Variants in USP53 observed in about 807,000 individuals in gnomAD.
USP53 encodes the protein ubiquitin specific peptidase 53.
In USP53, 71 loss-of-function variants were observed where a neutral mutation model predicts 94.9. The observed-to-expected ratio is 0.75, with a 90% CI of 0.62 to 0.91. The LOEUF is 0.91. Among genes scored for constraint, USP53 ranks in the 40% least tolerant of loss-of-function variants. The pLI, the probability that USP53 is intolerant of heterozygous loss-of-function variation, is 0.00. For missense variants in USP53, 1,173 were observed against 1,281.0 expected (o/e 0.92, Z 1.29); for synonymous variants, 375 against 422.7 (o/e 0.89, Z 1.39).
chr4:119,292,428 G>A lies in USP53; in HGVS notation c.2439G>A (p.Gln813=). 1 of 1,613,954 alleles carries A rather than the reference G, an allele frequency of 6.2e-7. No individual in the cohort carries two copies. The highest frequency in any genetic ancestry group is 8.5e-7 in the Non-Finnish European group (1 of 1,179,918). The change falls in exon 19 of 19, where the codon CAG becomes CAA. Residue 813 remains glutamine, a synonymous_variant. Transcript: ENST00000692078. ...ATAATGCAAGAGAACATATCCACCA[G>A]TCAGATGAACAGAAACTTGAAAAAC... ...KDHNAREHIH[Q]SDEQKLEKPN... is the part of the protein sequence containing the mutation.
chr4:119,262,606 G>T (rs1008121449), intron 12 of USP53, among the ~76,000 whole-genome samples: 1 of 152,100 alleles, frequency 6.6e-6, no homozygotes, highest in African/African-American at 2.4e-5. Context: ...CATCATAAAG[G>T]TCTTCATCCT....
rs1754864429 is a variant in USP53, at chr4:119,292,456, A to G, written c.2467A>G (p.Asn823Asp). The part of the protein sequence containing the change: ...QSDEQKLEKP[N>D]ECKFSEWLNI... The stretch of plus-strand genomic sequence containing the variant: ...AGATGAACAGAAACTTGAAAAACCG[A>G]ATGAATGCAAATTTTCTGAGTGGCT... Residue 823 changes from asparagine to aspartate, a missense_variant, in exon 19 of 19, where the codon AAT becomes GAT. Asn to Asp is a conservative substitution (Grantham distance 23, BLOSUM62 1). Transcript: ENST00000692078. The G allele has an allele frequency of 1.2e-6, 2 of 1,613,918 alleles. No homozygotes were observed. Among genetic ancestry groups the G allele is most frequent in the South Asian group, 2.2e-5 (2 of 91,072 alleles).
At chr4:119,227,254 A>G (rs1414631369) in intron 3 of USP53, among the ~76,000 whole-genome samples, 1 of 49,340 alleles carries the variant, frequency 2.0e-5, no homozygotes, top group Non-Finnish European at 4.0e-5. Context: ...CTTGTCTAAC[A>G]CTACACACAC....
chr4:119,225,226 A>T (rs940675183), intron 3 of USP53, among the ~76,000 whole-genome samples: 19 of 152,302 alleles, frequency 1.2e-4, no homozygotes, highest in African/African-American at 3.8e-4. Context: ...AAAGACACAA[A>T]CTATGAAAGC....
chr4:119,260,487 A>G lies in USP53; in HGVS notation c.676-20A>G. ...GTTTATCTGTTTTCATAATTTTAAAACTTTTATGTTTTTCTGTAGAGTAAC... is the reference window on the plus strand; with the variant it reads ...GTTTATCTGTTTTCATAATTTTAAAGCTTTTATGTTTTTCTGTAGAGTAAC... On this transcript the variant is annotated intron_variant, in intron 10 of 18. Transcript: ENST00000692078. 6.2e-7 allele frequency: 1 copy of G among 1,608,742 alleles called. No homozygotes were observed. Among genetic ancestry groups the G allele is most frequent in the Non-Finnish European group, 8.5e-7 (1 of 1,176,828 alleles).
intron 3 of USP53, chr4:119,219,435 C>G (rs1279382806): frequency 6.6e-6 from 1 of 152,208 alleles, no homozygotes; most frequent in Non-Finnish European, 1.5e-5. Flanking sequence ...TGACTGCTAC[C>G]AGTCACATTG....
At chr4:119,280,168 T>C (rs1246007359) in intron 17 of USP53, among the ~76,000 whole-genome samples, 1 of 152,190 alleles carries the variant, frequency 6.6e-6, no homozygotes, top group African/African-American at 2.4e-5. Context: ...ATATGTCTCT[T>C]ATTAAAGATA....
chr4:119,260,156 T>C (rs1750310064), intron 10 of USP53, among the ~76,000 whole-genome samples: 1 of 152,182 alleles, frequency 6.6e-6, no homozygotes, highest in South Asian at 2.1e-4. Flanking sequence ...AGTTCTGAAA[T>C]TTATCATTTG....
At chr4:119,278,235 G>A (rs1299979442) in intron 17 of USP53, among the ~76,000 whole-genome samples, 1 of 149,970 alleles carries the variant, frequency 6.7e-6, no homozygotes, top group Non-Finnish European at 1.5e-5. Context: ...GCAGCGGCTG[G>A]TACCGGTTGT....
intron 11 of USP53, among the ~76,000 whole-genome samples, chr4:119,261,254 C>A (rs1180982410): frequency 6.6e-6 from 1 of 152,132 alleles, no homozygotes; most frequent in East Asian, 1.9e-4. Flanking sequence ...AGCCACCACA[C>A]CCCGCCATGA....
At chr4:119,288,553 T>G (rs1754362919) in intron 17 of USP53, among the ~76,000 whole-genome samples, 1 of 152,190 alleles carries the variant, frequency 6.6e-6, no homozygotes, top group Admixed American at 6.5e-5. Flanking sequence ...CGTCCTCCAT[T>G]ACATTAAAAT....
chr4:119,242,397 A>G (rs1009067192), intron 5 of USP53, among the ~76,000 whole-genome samples: 5 of 152,160 alleles, frequency 3.3e-5, no homozygotes, highest in African/African-American at 9.7e-5. Flanking sequence ...TTTCTCTGCT[A>G]TTGAGACTCC....
At chr4:119,218,601 C>A (rs913933969) in intron 3 of USP53, 1 of 152,092 alleles carries the variant, frequency 6.6e-6, no homozygotes, top group African/African-American at 2.4e-5. Flanking sequence ...AAATTTTCTA[C>A]TGTAGTCTTC....
chr4:119,291,151 C>T lies in USP53; in HGVS notation c.2252-14C>T, dbSNP rs760114818. ...GTTTTCCTCATCTCTTCTCCCCACC[C>T]CACCCAACCCTAGGCTTTAGAAAAG... is the stretch of plus-strand genomic sequence containing the variant. On this transcript the variant is annotated splice_polypyrimidine_tract_variant and intron_variant, in intron 17 of 18. Transcript: ENST00000692078. 6 of 978,430 alleles carry T rather than the reference C, an allele frequency of 6.1e-6. No individual in the cohort carries two copies. Among genetic ancestry groups the T allele is most frequent in the Non-Finnish European group, 7.5e-6 (5 of 664,606 alleles). 60.6% of individuals were successfully genotyped at this position (978,430 alleles called of 1,614,324 possible). A position where few individuals can be genotyped will look rare whatever the true frequency, so the allele number is the denominator to read the frequency against.
chr4:119,281,962 C>A (rs1268264300), intron 17 of USP53, among the ~76,000 whole-genome samples: 1 of 152,112 alleles, frequency 6.6e-6, no homozygotes, highest in East Asian at 1.9e-4. Flanking sequence ...ACCCATTAAA[C>A]AGCTCCCCAT....
intron 12 of USP53, among the ~76,000 whole-genome samples, chr4:119,264,259 A>G (rs1750851041): frequency 6.6e-6 from 1 of 152,186 alleles, no homozygotes; most frequent in Non-Finnish European, 1.5e-5. Flanking sequence ...CAGACCAGAA[A>G]TGACTGAGAT....
chr4:119,284,699 G>A (rs911232206), intron 17 of USP53, among the ~76,000 whole-genome samples: 1 of 151,848 alleles, frequency 6.6e-6, no homozygotes, highest in African/African-American at 2.4e-5. Context: ...TTGCACAGCA[G>A]TGTGAATGTA....
At chr4:119,275,758 T>C (rs1353538974) in intron 17 of USP53, among the ~76,000 whole-genome samples, 1 of 152,210 alleles carries the variant, frequency 6.6e-6, no homozygotes, top group Non-Finnish European at 1.5e-5. Flanking sequence ...TTTGTTTGTA[T>C]CCTCTTTTAT....
chr4:119,274,013 A>G (rs1036507957), intron 17 of USP53, among the ~76,000 whole-genome samples: 2 of 146,708 alleles, frequency 1.4e-5, no homozygotes, highest in African/African-American at 5.0e-5. Context: ...ATTTGATTGG[A>G]TAACTATTGC....
Sources: allele counts gnomAD v4.1 joint callset (sites outside exome capture counted in the v4.1 genomes callset), GRCh38; gene constraint gnomAD v4.1.1; transcripts MANE v1.5; gene names NCBI Gene and HGNC (gene_info 2026-07-23, HGNC 2026-07-21).